TSHZ2: variants seen among roughly 807,000 people sequenced by gnomAD.
TSHZ2 encodes teashirt zinc finger homeobox 2, also known as teashirt homolog 2.
In TSHZ2, 21 loss-of-function variants were observed where a neutral mutation model predicts 74.4. The observed-to-expected ratio is 0.28, with a 90% CI of 0.20 to 0.41. The LOEUF is 0.41. TSHZ2 is among the 10% of genes least tolerant of loss of function. The probability of loss-of-function intolerance (pLI) is 1.00; values close to 1 mark genes in which losing one functional copy is unlikely to be tolerated. For missense variants in TSHZ2, 1,244 were observed against 1,293.5 expected, an observed-to-expected ratio of 0.96 and a Z score of 0.59; for synonymous variants, 540 against 515.3, an observed-to-expected ratio of 1.05 and a Z score of -0.65.
At chr20:52,992,990 G>GT (rs1335472785) in intron 1 of TSHZ2, among the ~76,000 whole-genome samples, 1 of 152,066 alleles carries the variant, frequency 6.6e-6, no homozygotes, top group Non-Finnish European at 1.5e-5. Context: ...GAATTTACAG[G>GT]TTTTTTTCTT....
At chr20:53,029,922 C>G (rs1375644566) in intron 1 of TSHZ2, among the ~76,000 whole-genome samples, 1 of 152,058 alleles carries the variant, frequency 6.6e-6, no homozygotes, top group Non-Finnish European at 1.5e-5. Context: ...ATGCCTATGA[C>G]TGCCAAATAA....
chr20:53,057,996 A>T (rs1314461341), intron 1 of TSHZ2, among the ~76,000 whole-genome samples: 1 of 152,144 alleles, frequency 6.6e-6, no homozygotes, highest in African/African-American at 2.4e-5. Context: ...TTTTTCTAGG[A>T]CTGGAGGTAG....
Position 53,007,603 on chromosome 20 carries a change from G to GTGTT in TSHZ2, c.40+34274_40+34277dup, listed in dbSNP as rs1054670117. On this transcript the variant is annotated intron_variant, in intron 1 of 2. Coordinates refer to ENST00000371497, the MANE Select transcript of TSHZ2 (RefSeq NM_173485.6). ...TAAGAGTCATCCAAGAAAGAAATGTGTGTTTGTGTGTGTGTGTGTGTGAGT... is the reference window on the plus strand; with the variant it reads ...TAAGAGTCATCCAAGAAAGAAATGTGTGTTTGTTTGTGTGTGTGTGTGTGTGAGT... 9.9e-5 allele frequency among the ~76,000 whole-genome samples: 15 copies of GTGTT among 152,060 alleles called. No homozygotes were observed. The South Asian group carries it at 3.1e-3, about 32-fold the overall frequency.
intron 1 of TSHZ2, among the ~76,000 whole-genome samples, chr20:53,126,378 C>T (rs1241214134): frequency 2.0e-5 from 3 of 152,076 alleles, no homozygotes; most frequent in East Asian, 1.9e-4. Context: ...ACTAAGCCAA[C>T]GAGAGGTAAT....
intron 2 of TSHZ2, among the ~76,000 whole-genome samples, chr20:53,315,896 G>A (rs1978985561): frequency 6.6e-6 from 1 of 152,156 alleles, no homozygotes; most frequent in Non-Finnish European, 1.5e-5. Flanking sequence ...AGGACGTGAT[G>A]TTTCAGCTGA....
At chr20:53,196,366 T>TAAAAAAAAAAAAAA (rs34385917) in intron 1 of TSHZ2, 4 of 109,690 alleles carry the variant, frequency 3.6e-5, no homozygotes, top group African/African-American at 1.2e-4. Context: ...AATCTGCTGC[T>TAAAAAAAAAAAAAA]AAAAAAAAAA....
At chr20:53,231,333 C>A (rs1989820316) in intron 1 of TSHZ2, among the ~76,000 whole-genome samples, 1 of 152,222 alleles carries the variant, frequency 6.6e-6, no homozygotes, top group Non-Finnish European at 1.5e-5. Flanking sequence ...TGCGCCCCTT[C>A]AGAAAGAATC....
chr20:53,227,163 C>T (rs1402860922), intron 1 of TSHZ2, among the ~76,000 whole-genome samples: 1 of 151,402 alleles, frequency 6.6e-6, no homozygotes, highest in Non-Finnish European at 1.5e-5. Flanking sequence ...GTGTCCTGAG[C>T]CTCACTAGAT....
Position 53,489,223 on chromosome 20 carries a change from T to C in TSHZ2, c.*2088T>C, listed in dbSNP as rs1986381468. The stretch of plus-strand genomic sequence containing the variant: ...CATGAAAAGCAAGGTGCTGATATTA[T>C]TTTTTATGATGGGAGGATCATAAAG... On this transcript the variant is annotated 3_prime_UTR_variant, in exon 3 of 3. Transcript: ENST00000371497. 2.2e-6 allele frequency: 1 copy of C among 455,352 alleles called. No homozygotes were observed. Among genetic ancestry groups the C allele is most frequent in the Admixed American group, 2.4e-5 (1 of 42,494 alleles). The allele number at this position is 455,352 out of a possible 1,614,324, so 28.2% of individuals were successfully genotyped here. A position where few individuals can be genotyped will look rare whatever the true frequency, so the allele number is the denominator to read the frequency against.
rs1316059787 is a variant in TSHZ2, at chr20:53,419,039, G to C, written c.*9-68105G>C. Among the ~76,000 whole-genome samples the C allele has an allele frequency of 1.3e-5, 2 of 152,358 alleles. 1 individual carries two copies. The highest frequency in any genetic ancestry group is 3.9e-4 in the East Asian group (2 of 5,194). Reference sequence around the variant, plus strand: ...CATCCTGTGCAATGAAGCAGCTCTTGTTGGGTGAATTAACAACATGAGGAA... The same window carrying C: ...CATCCTGTGCAATGAAGCAGCTCTTCTTGGGTGAATTAACAACATGAGGAA... On this transcript the variant is annotated intron_variant, in intron 2 of 2. Coordinates refer to ENST00000371497, the MANE Select transcript of TSHZ2 (RefSeq NM_173485.6).
At chr20:53,120,240 G>A (rs535600418) in intron 1 of TSHZ2, among the ~76,000 whole-genome samples, 10 of 152,250 alleles carry the variant, frequency 6.6e-5, no homozygotes, top group South Asian at 4.2e-4. Flanking sequence ...TTTGAAGTGC[G>A]TCTCTTTTCA....
rs145354035 is a variant in TSHZ2 at position 53,197,094 on chromosome 20, A to T, written c.41-56405A>T. Among the ~76,000 whole-genome samples the T allele has an allele frequency of 4.7e-4, 72 of 152,322 alleles. 1 individual carries two copies. The highest frequency in any genetic ancestry group is 1.7e-3 in the African/African-American group (71 of 41,576). On this transcript the variant is annotated intron_variant, in intron 1 of 2. Coordinates refer to ENST00000371497, the MANE Select transcript of TSHZ2 (RefSeq NM_173485.6). ...TTTCATTTTGTCAAATAACAGTGTG[A>T]CTTTGTCTTTGACATTAAACAGTTG...
intron 2 of TSHZ2, among the ~76,000 whole-genome samples, chr20:53,319,950 C>T (rs1979183100): frequency 1.3e-5 from 2 of 152,156 alleles, no homozygotes; most frequent in African/African-American, 2.4e-5. Context: ...GACTCACTGA[C>T]ATTCTGGGTG....
chr20:53,057,212 C>A (rs930094416), intron 1 of TSHZ2, among the ~76,000 whole-genome samples: 1 of 152,200 alleles, frequency 6.6e-6, no homozygotes, highest in African/African-American at 2.4e-5. Context: ...GTAAATTACC[C>A]AGTCTTGGAT....
At chr20:53,374,746 G>C (rs1981599222) in intron 2 of TSHZ2, among the ~76,000 whole-genome samples, 1 of 152,100 alleles carries the variant, frequency 6.6e-6, no homozygotes, top group African/African-American at 2.4e-5. Context: ...AATGATGAGT[G>C]ATGTTGAGCA....
At chr20:53,176,558 C>A (rs752587259) in intron 1 of TSHZ2, among the ~76,000 whole-genome samples, 3 of 152,120 alleles carry the variant, frequency 2.0e-5, no homozygotes. Flanking sequence ...GAGTTGGTGA[C>A]CGGTACTGGT....
At position 53,190,840 on chromosome 20, in the gene TSHZ2, C is replaced by G. The variant is rs180803459; in HGVS notation, c.41-62659C>G. 4.1e-3 allele frequency among the ~76,000 whole-genome samples: 625 copies of G among 152,296 alleles called. 4 individuals carry two copies. The highest frequency in any genetic ancestry group is 0.014 in the African/African-American group (602 of 41,560). ...AAAACAAAAAGTGGGCATCACCCTA[C>G]CGAGGGCAGAATTTCTACTGAGCCT... On this transcript the variant is annotated intron_variant, in intron 1 of 2. Coordinates refer to ENST00000371497, the MANE Select transcript of TSHZ2 (RefSeq NM_173485.6).
intron 1 of TSHZ2, among the ~76,000 whole-genome samples, chr20:53,228,913 C>G (rs530914132): frequency 1.3e-5 from 2 of 152,198 alleles, no homozygotes; most frequent in African/African-American, 4.8e-5. Context: ...AGAAGGGTCC[C>G]TTTATGTCTC....
At chr20:53,316,168 A>G (rs1251693837) in intron 2 of TSHZ2, among the ~76,000 whole-genome samples, 1 of 152,210 alleles carries the variant, frequency 6.6e-6, no homozygotes, top group Non-Finnish European at 1.5e-5. Flanking sequence ...AAGGAAGAGA[A>G]AGGAAAATGA....
Sources: gnomAD v4.1 joint callset for allele counts (sites outside exome capture counted in the v4.1 genomes callset) on GRCh38, gnomAD v4.1.1 for gene constraint, MANE v1.5 for transcripts, NCBI Gene and HGNC (gene_info 2026-07-23, HGNC 2026-07-21) for gene names.